The following IPCEF1 variants were observed in gnomAD, a reference collection of about 807,000 sequenced individuals.
The protein encoded by IPCEF1 is interaction protein for cytohesin exchange factors 1.
IPCEF1 carries 31 observed loss-of-function variants against 50.9 expected under a neutral mutation model. The ratio of observed to expected loss-of-function variants is 0.61; its 90% confidence interval spans 0.46 to 0.82. The LOEUF (loss-of-function observed/expected upper bound fraction) is 0.82. Among genes scored for constraint, IPCEF1 ranks in the 40% least tolerant of loss-of-function variants. IPCEF1 has a pLI of 0.00. For synonymous variants in IPCEF1, 181 were observed against 192.0 expected, an observed-to-expected ratio of 0.94 and a Z score of 0.47; for missense variants, 458 against 514.0, an observed-to-expected ratio of 0.89 and a Z score of 1.05.
At chr6:154,233,854 C>T (rs1204761596) in intron 5 of IPCEF1, among the ~76,000 whole-genome samples, 1 of 152,128 alleles carries the variant, frequency 6.6e-6, no homozygotes, top group African/African-American at 2.4e-5. Context: ...CAGAGGTCCT[C>T]GGAGATCACT....
At chr6:154,226,699 A>G (rs1447345434) in intron 5 of IPCEF1, among the ~76,000 whole-genome samples, 1 of 152,120 alleles carries the variant, frequency 6.6e-6, no homozygotes, top group East Asian at 1.9e-4. Context: ...CAGTCACAGC[A>G]AATGTTTACA....
chr6:154,249,360 T>C (rs777269405), intron 3 of IPCEF1, among the ~76,000 whole-genome samples: 1 of 152,130 alleles, frequency 6.6e-6, no homozygotes, highest in Non-Finnish European at 1.5e-5. Flanking sequence ...ATGTATATTA[T>C]TTGAGTGGCT....
chr6:154,222,328 C>T (rs754688126), intron 6 of IPCEF1, among the ~76,000 whole-genome samples: 77 of 152,322 alleles, frequency 5.1e-4, no homozygotes, highest in Non-Finnish European at 8.7e-4. Flanking sequence ...TGCAACCACA[C>T]CACAGAGGCA....
At chr6:154,241,234 C>CAAAA (rs11308882) in intron 5 of IPCEF1, among the ~76,000 whole-genome samples, 6 of 79,188 alleles carry the variant, frequency 7.6e-5, no homozygotes, top group East Asian at 4.1e-4. Flanking sequence ...GACTCCATCT[C>CAAAA]AAAAAAAAAA....
chr6:154,332,014 T>C (rs190187677), intron 1 of IPCEF1, among the ~76,000 whole-genome samples: 2 of 152,264 alleles, frequency 1.3e-5, no homozygotes, highest in Non-Finnish European at 2.9e-5. Flanking sequence ...TCACTCCTGT[T>C]CTAAAACTTG....
intron 5 of IPCEF1, among the ~76,000 whole-genome samples, chr6:154,233,165 C>T (rs531417513): frequency 1.2e-4 from 18 of 152,172 alleles, no homozygotes; most frequent in African/African-American, 4.3e-4. Flanking sequence ...GACATGGTTT[C>T]GCCATATTGG....
chr6:154,338,855 G>A (rs1402314810), intron 1 of IPCEF1, among the ~76,000 whole-genome samples: 1 of 152,114 alleles, frequency 6.6e-6, no homozygotes, highest in African/African-American at 2.4e-5. Context: ...CCGGGAGGTG[G>A]AGGTTGCAGT....
In IPCEF1 at chr6:154,346,018, A is replaced by G. The variant is rs140887622; in HGVS notation, c.-62+10654T>C. Among the ~76,000 whole-genome samples the G allele has an allele frequency of 6.7e-3, 1,015 of 152,144 alleles. 11 individuals are homozygous for G. Among genetic ancestry groups the G allele is most frequent in the African/African-American group, 0.023 (968 of 41,518 alleles). On this transcript the variant is annotated intron_variant, in intron 1 of 11. Coordinates refer to ENST00000367220, the MANE Select transcript of IPCEF1 (RefSeq NM_001130700.2). ...GTAGCTGAAACCACAGGCATGTGCC[A>G]CCGCGCCTGGCTAATTTTTTGTATA...
At chr6:154,170,258 G>A (rs928639421) in intron 10 of IPCEF1, among the ~76,000 whole-genome samples, 2 of 151,880 alleles carry the variant, frequency 1.3e-5, no homozygotes, top group African/African-American at 4.9e-5. Context: ...ATGTTTATAT[G>A]TTTCACTTCC....
intron 11 of IPCEF1, among the ~76,000 whole-genome samples, chr6:154,163,414 C>T (rs1282685680): frequency 2.6e-5 from 4 of 152,204 alleles, no homozygotes; most frequent in Non-Finnish European, 5.9e-5. Context: ...TTCAAAGAGG[C>T]CTTTCATGTC....
At chr6:154,298,254 G>C (rs1385016928) in intron 1 of IPCEF1, among the ~76,000 whole-genome samples, 1 of 152,144 alleles carries the variant, frequency 6.6e-6, no homozygotes, top group Non-Finnish European at 1.5e-5. Flanking sequence ...CTCAATTTCA[G>C]AGAACTATAA....
chr6:154,301,921 T>C (rs1036681445), intron 1 of IPCEF1, among the ~76,000 whole-genome samples: 13 of 152,242 alleles, frequency 8.5e-5, no homozygotes, highest in African/African-American at 3.1e-4. Context: ...GCATTTGGAA[T>C]GGAATAAACA....
intron 5 of IPCEF1, among the ~76,000 whole-genome samples, chr6:154,233,968 A>G (rs891039860): frequency 1.3e-5 from 2 of 152,138 alleles, no homozygotes; most frequent in East Asian, 3.9e-4. Flanking sequence ...CGGCACTTTG[A>G]GAGGCCAAAG....
At chr6:154,287,381 A>G (rs11757508) in intron 2 of IPCEF1, among the ~76,000 whole-genome samples, 2,116 of 152,268 alleles carry the variant, frequency 0.014, 25 homozygotes, top group Middle Eastern at 0.071. Context: ...ATACACCATC[A>G]TAACTAATAT....
chr6:154,287,971 C>T lies in IPCEF1; in HGVS notation c.-18+1742G>A, dbSNP rs539577643. On this transcript the variant is annotated intron_variant, in intron 2 of 11. Transcript: ENST00000367220. ...AGAAGACAATGCAGACATCTTACTGCCTGACTCATCAGTAAATGCGTATCT... is the reference window on the plus strand; with the variant it reads ...AGAAGACAATGCAGACATCTTACTGTCTGACTCATCAGTAAATGCGTATCT... Among the ~76,000 whole-genome samples the T allele has an allele frequency of 3.9e-5, 6 of 152,292 alleles. 1 individual carries two copies. The highest frequency in any genetic ancestry group is 1.4e-4 in the African/African-American group (6 of 41,566).
intron 3 of IPCEF1, among the ~76,000 whole-genome samples, chr6:154,265,019 T>C (rs1462579411): frequency 6.6e-6 from 1 of 152,218 alleles, no homozygotes; most frequent in African/African-American, 2.4e-5. Flanking sequence ...CTTTTAGCTC[T>C]GCTCCTCAAA....
At chr6:154,320,723 A>G (rs961223823) in intron 1 of IPCEF1, among the ~76,000 whole-genome samples, 2 of 152,140 alleles carry the variant, frequency 1.3e-5, no homozygotes, top group African/African-American at 4.8e-5. Flanking sequence ...CTGTATATAC[A>G]TGGCCGGGCA....
chr6:154,321,322 A>C (rs1457093060), intron 1 of IPCEF1, among the ~76,000 whole-genome samples: 1 of 152,104 alleles, frequency 6.6e-6, no homozygotes, highest in Non-Finnish European at 1.5e-5. Context: ...TAATTTTAGA[A>C]GGTAAGTAAC....
chr6:154,317,766 C>T (rs12661268), intron 1 of IPCEF1, among the ~76,000 whole-genome samples: 10,575 of 149,366 alleles, frequency 0.071, 731 homozygotes, highest in East Asian at 0.33. Context: ...AAGCTACAAC[C>T]GGTTTTTTTT....
Sources: allele counts gnomAD v4.1 joint callset (sites outside exome capture counted in the v4.1 genomes callset), GRCh38; gene constraint gnomAD v4.1.1; transcripts MANE v1.5; gene names NCBI Gene and HGNC (gene_info 2026-07-23, HGNC 2026-07-21).